The following CNTNAP5 variants were observed in gnomAD, a reference collection of about 807,000 sequenced individuals.
The protein encoded by CNTNAP5 is contactin associated protein family member 5, also known as contactin-associated protein-like 5.
Under a neutral mutation model 150.2 loss-of-function variants are expected in CNTNAP5, and 72 were observed. The ratio of observed to expected loss-of-function variants is 0.48; its 90% CI spans 0.40 to 0.58. The LOEUF (loss-of-function observed/expected upper bound fraction) is 0.58, where lower values mean the gene tolerates loss of function less well. CNTNAP5 is among the 20% of genes least tolerant of loss of function. CNTNAP5 has a pLI of 0.00. For synonymous variants in CNTNAP5, 672 were observed against 619.8 expected, an observed-to-expected ratio of 1.08 and a Z score of -1.25; for missense variants, 1,636 against 1,626.2, an observed-to-expected ratio of 1.01 and a Z score of -0.10.
At chr2:124,238,840 T>C (rs1478603517) in intron 2 of CNTNAP5, among the ~76,000 whole-genome samples, 1 of 152,222 alleles carries the variant, frequency 6.6e-6, no homozygotes, top group African/African-American at 2.4e-5. Flanking sequence ...TCATCATTTG[T>C]GAAAGCACAT....
intron 9 of CNTNAP5, among the ~76,000 whole-genome samples, chr2:124,525,145 T>A (rs1694934673): frequency 6.6e-6 from 1 of 152,224 alleles, no homozygotes; most frequent in East Asian, 1.9e-4. Flanking sequence ...TAAATGCATA[T>A]CTATATATAT....
chr2:124,661,541 G>A (rs975669685), intron 13 of CNTNAP5, among the ~76,000 whole-genome samples: 10 of 145,088 alleles, frequency 6.9e-5, no homozygotes, highest in Non-Finnish European at 1.2e-4. Context: ...GAATTCCCCC[G>A]AAGGGCCTGC....
chr2:124,781,744 C>G (rs1681457463), intron 17 of CNTNAP5, among the ~76,000 whole-genome samples: 2 of 152,216 alleles, frequency 1.3e-5, no homozygotes, highest in African/African-American at 4.8e-5. Flanking sequence ...GATGGTACTT[C>G]TATCAATGAC....
intron 13 of CNTNAP5, among the ~76,000 whole-genome samples, chr2:124,679,550 TG>T (rs1460284929): frequency 6.6e-6 from 1 of 151,656 alleles, no homozygotes; most frequent in East Asian, 1.9e-4. Context: ...GAACCCAAAA[TG>T]CTGGCTAATT....
intron 3 of CNTNAP5, among the ~76,000 whole-genome samples, chr2:124,373,640 T>C (rs1190430708): frequency 6.6e-6 from 1 of 151,944 alleles, no homozygotes; most frequent in Admixed American, 6.6e-5. Flanking sequence ...AATTGAGGTT[T>C]TCAAAAAAGT....
At chr2:124,517,592 T>C (rs577645451) in intron 8 of CNTNAP5, among the ~76,000 whole-genome samples, 1 of 150,678 alleles carries the variant, frequency 6.6e-6, no homozygotes, top group East Asian at 2.0e-4. Context: ...TGGAAGATTG[T>C]GGTGTTGGTG....
intron 5 of CNTNAP5, among the ~76,000 whole-genome samples, chr2:124,437,592 TTTA>T (rs1302189593): frequency 6.6e-6 from 1 of 152,178 alleles, no homozygotes; most frequent in Non-Finnish European, 1.5e-5. Context: ...GGTTATCTCT[TTTA>T]TTAACATTTT....
At chr2:124,131,703 G>A (rs940598723) in intron 1 of CNTNAP5, among the ~76,000 whole-genome samples, 4 of 152,096 alleles carry the variant, frequency 2.6e-5, no homozygotes, top group African/African-American at 7.2e-5. Flanking sequence ...GAGAGTGGAT[G>A]GTTTCTATAC....
At chr2:124,470,949 T>G (rs1042679146) in intron 6 of CNTNAP5, among the ~76,000 whole-genome samples, 5 of 152,206 alleles carry the variant, frequency 3.3e-5, no homozygotes, top group African/African-American at 1.2e-4. Flanking sequence ...CTTATGCCAG[T>G]ACCATGCTGT....
chr2:124,860,237 C>A (rs993493745), intron 19 of CNTNAP5, among the ~76,000 whole-genome samples: 6 of 151,752 alleles, frequency 4.0e-5, no homozygotes, highest in Non-Finnish European at 5.9e-5. Flanking sequence ...GTAGTCCCAG[C>A]TACTCAGGAG....
intron 19 of CNTNAP5, among the ~76,000 whole-genome samples, chr2:124,800,638 T>G (rs1308400246): frequency 6.6e-6 from 1 of 152,224 alleles, no homozygotes; most frequent in Non-Finnish European, 1.5e-5. Context: ...TGAATCTATT[T>G]CATTGAGAAA....
At chr2:124,344,882 C>G (rs1689700938) in intron 3 of CNTNAP5, among the ~76,000 whole-genome samples, 1 of 152,166 alleles carries the variant, frequency 6.6e-6, no homozygotes, top group Non-Finnish European at 1.5e-5. Flanking sequence ...GTTGGGCTCC[C>G]AAGCCCTTGG....
chr2:124,813,359 G>A (rs910827453), intron 19 of CNTNAP5, among the ~76,000 whole-genome samples: 2 of 148,610 alleles, frequency 1.3e-5, no homozygotes, highest in African/African-American at 2.4e-5. Flanking sequence ...TTACAGGCAT[G>A]AGCCACCGTG....
intron 21 of CNTNAP5, among the ~76,000 whole-genome samples, chr2:124,888,890 G>T (rs1420747820): frequency 6.6e-6 from 1 of 151,828 alleles, no homozygotes; most frequent in Non-Finnish European, 1.5e-5. Flanking sequence ...CATTGTGTAG[G>T]TTGTCTATTT....
chr2:124,187,161 A>G (rs560444791), intron 1 of CNTNAP5, among the ~76,000 whole-genome samples: 21 of 152,342 alleles, frequency 1.4e-4, no homozygotes, highest in Admixed American at 8.5e-4. Flanking sequence ...GCAACCTGGA[A>G]GGAAAAAAAG....
At chr2:124,411,254 A>G (rs1348463040) in intron 3 of CNTNAP5, among the ~76,000 whole-genome samples, 2 of 152,194 alleles carry the variant, frequency 1.3e-5, no homozygotes, top group Non-Finnish European at 2.9e-5. Flanking sequence ...CCAACCAAAA[A>G]GAGTCCAGGA....
chr2:124,174,956 G>A (rs1485965716), intron 1 of CNTNAP5, among the ~76,000 whole-genome samples: 1 of 152,040 alleles, frequency 6.6e-6, no homozygotes, highest in African/African-American at 2.4e-5. Context: ...CAGCAAAAAC[G>A]TTATGACTTG....
intron 17 of CNTNAP5, among the ~76,000 whole-genome samples, chr2:124,782,597 T>C (rs545534956): frequency 1.4e-5 from 2 of 147,496 alleles, no homozygotes; most frequent in African/African-American, 4.9e-5. Context: ...ATTGCTCACA[T>C]TTTTTTTTCA....
chr2:124,120,798 A>C (rs1372069103), intron 1 of CNTNAP5, among the ~76,000 whole-genome samples: 2 of 152,190 alleles, frequency 1.3e-5, no homozygotes, highest in Non-Finnish European at 2.9e-5. Flanking sequence ...GATATCAACT[A>C]AATGAAGACA....
Sources: allele counts gnomAD v4.1 joint callset (sites outside exome capture counted in the v4.1 genomes callset), GRCh38; gene constraint gnomAD v4.1.1; transcripts MANE v1.5; gene names NCBI Gene and HGNC (gene_info 2026-07-23, HGNC 2026-07-21).